Variants in GLRA2 observed in about 807,000 individuals in gnomAD.
The protein encoded by GLRA2 is glycine receptor alpha 2.
In GLRA2, 11 loss-of-function variants were observed where a neutral mutation model predicts 31.6. The ratio of observed to expected loss-of-function variants is 0.35; its 90% confidence interval spans 0.22 to 0.58. The LOEUF is 0.58. GLRA2 is among the 20% of genes least tolerant of loss of function. The pLI, the probability that GLRA2 is intolerant of heterozygous loss-of-function variation, is 0.84. For synonymous variants in GLRA2, 132 were observed against 134.0 expected (o/e 0.99, Z 0.10); for missense variants, 212 against 351.8 (o/e 0.60, Z 3.18).
At chrX:14,548,953 A>G (rs1004748445) in intron 2 of GLRA2, among the ~76,000 whole-genome samples, 4 of 111,821 alleles carry the variant, frequency 3.6e-5, no homozygotes, top group Admixed American at 1.9e-4. Flanking sequence ...TCTCAAGTAC[A>G]GGATTCTCCC....
the GLRA2 span, among the ~76,000 whole-genome samples, chrX:14,467,657 G>A: frequency 9.1e-3 from 1,008 of 111,342 alleles, 3 homozygotes; most frequent in Non-Finnish European, 0.014. Context: ...CTGCATGTCC[G>A]AACATTTAAA....
In GLRA2 at chrX:14,593,192, C is replaced by T. The variant is rs2090162817; in HGVS notation, c.495-11123C>T. ...AGCACATAATCCAAAGGAAAAGGTA[C>T]TTTATTTTAAAATGGAAAAAAAAAT... On this transcript the variant is annotated intron_variant, in intron 4 of 8. Coordinates refer to ENST00000218075, the MANE Select transcript of GLRA2 (RefSeq NM_002063.4). Among the ~76,000 whole-genome samples, 3 of 111,941 alleles carry T rather than the reference C, an allele frequency of 2.7e-5. No homozygotes were observed. The South Asian group carries it at 1.1e-3, about 42-fold the overall frequency.
At chrX:14,672,425 T>C (rs868755821) in intron 7 of GLRA2, among the ~76,000 whole-genome samples, 14 of 112,723 alleles carry the variant, frequency 1.2e-4, no homozygotes, top group Middle Eastern at 9.1e-3. Flanking sequence ...GGCATGGCCT[T>C]TTATTTCTTC....
the GLRA2 span, among the ~76,000 whole-genome samples, chrX:14,520,398 A>G: frequency 4.4e-5 from 5 of 112,512 alleles, no homozygotes; most frequent in South Asian, 1.8e-3. Flanking sequence ...CATTTTATTT[A>G]TTCTCCAAAT....
At chrX:14,553,216 G>A (rs960287779) in intron 2 of GLRA2, among the ~76,000 whole-genome samples, 2 of 111,811 alleles carry the variant, frequency 1.8e-5, no homozygotes, top group Admixed American at 9.5e-5. Context: ...AAAATGTGGT[G>A]GCCTTCAAAT....
At chrX:14,449,412 G>C in the GLRA2 span, among the ~76,000 whole-genome samples, 3 of 112,714 alleles carry the variant, frequency 2.7e-5, no homozygotes, top group Non-Finnish European at 5.6e-5. Flanking sequence ...GCTTAAACCT[G>C]TGTGGAGTCC....
At chrX:14,684,658 T>G (rs1285764864) in intron 7 of GLRA2, among the ~76,000 whole-genome samples, 1 of 112,088 alleles carries the variant, frequency 8.9e-6, no homozygotes, top group African/African-American at 3.2e-5. Context: ...TTTTTGCACA[T>G]TGATTTTGTA....
intron 6 of GLRA2, among the ~76,000 whole-genome samples, chrX:14,607,728 G>C (rs188175546): frequency 9.0e-6 from 1 of 111,366 alleles, no homozygotes; most frequent in Admixed American, 9.6e-5. Flanking sequence ...CCCAGAAATA[G>C]AGCTGTTGTG....
At chrX:14,638,489 TAATG>T (rs1178444071) in intron 7 of GLRA2, among the ~76,000 whole-genome samples, 1 of 111,529 alleles carries the variant, frequency 9.0e-6, no homozygotes, top group Non-Finnish European at 1.9e-5. Flanking sequence ...TTAATGGTAA[TAATG>T]AAATATTATT....
chrX:14,530,199 C>A, intron 1 of GLRA2, 74 bp downstream of exon 1: 1 of 629,916 alleles, frequency 1.6e-6, no homozygotes, highest in South Asian at 2.3e-5. Flanking sequence ...GTGTATTTAT[C>A]TGTGCTCTGG....
At chrX:14,677,674 T>C (rs188166851) in intron 7 of GLRA2, among the ~76,000 whole-genome samples, 1 of 112,072 alleles carries the variant, frequency 8.9e-6, no homozygotes, top group East Asian at 2.8e-4. Flanking sequence ...TGGGTAATTA[T>C]TTGTCATAAA....
intron 7 of GLRA2, among the ~76,000 whole-genome samples, chrX:14,636,882 T>C (rs2090715489): frequency 8.9e-6 from 1 of 111,950 alleles, no homozygotes; most frequent in Non-Finnish European, 1.9e-5. Context: ...AATCTAAGAA[T>C]GGATGTGTGC....
rs1452953286 is a variant in GLRA2, at chrX:14,730,937, CACACACACACACAA to C, written c.*455_*468del. ...ACACACACACACACACACACACACA[CACACACACACACAA>C]ACTTCAAAAATGCTTAACCATCTGA... On this transcript the variant is annotated 3_prime_UTR_variant, in exon 9 of 9. Coordinates refer to ENST00000218075, the MANE Select transcript of GLRA2 (RefSeq NM_002063.4). The C allele has an allele frequency of 3.3e-5, 3 of 90,614 alleles. No homozygotes were observed. The highest frequency in any genetic ancestry group is 2.8e-4 in the East Asian group (1 of 3,626). 7.5% of individuals were successfully genotyped at this position (90,614 alleles called of 1,213,427 possible). A position where few individuals can be genotyped will look rare whatever the true frequency, so the allele number is the denominator to read the frequency against.
At chrX:14,724,626 C>CAAAAAAAAAAAAA (rs758722703) in intron 8 of GLRA2, among the ~76,000 whole-genome samples, 80 of 49,573 alleles carry the variant, frequency 1.6e-3, no homozygotes, top group East Asian at 5.8e-3. Flanking sequence ...AACTCTGTCT[C>CAAAAAAAAAAAAA]AAAAAAAAAA....
the GLRA2 span, among the ~76,000 whole-genome samples, chrX:14,473,812 A>G: frequency 8.9e-6 from 1 of 112,294 alleles, no homozygotes; most frequent in African/African-American, 3.2e-5. Flanking sequence ...AAACTGTTTC[A>G]GATTTTAAAA....
chrX:14,544,574 A>G (rs745733029), intron 2 of GLRA2, among the ~76,000 whole-genome samples: 2 of 111,681 alleles, frequency 1.8e-5, no homozygotes, highest in East Asian at 5.6e-4. Flanking sequence ...ATTATGCAAT[A>G]TTTATCTTAA....
Position 14,690,813 on chromosome X carries a change from A to C in GLRA2, c.1034A>C (p.His345Pro), listed in dbSNP as rs1436574749. ...GCGGTGAACTTCGTCTCCAGGCAAC[A>C]CAAGGAGTTCCTGCGCCTCCGAAGA... Reference protein sequence around the residue: ...YAAVNFVSRQHKEFLRLRRRQ... With the variant: ...YAAVNFVSRQPKEFLRLRRRQ... The change falls in exon 8 of 9, where the codon CAC becomes CCC. Residue 345 changes from histidine to proline, a missense_variant. His to Pro is a moderately conservative substitution (Grantham distance 77, BLOSUM62 -2). This residue lies in a region of GLRA2 where 25 missense variants were observed against 20.8 expected (regional missense o/e 1.20). Coordinates refer to ENST00000218075, the MANE Select transcript of GLRA2 (RefSeq NM_002063.4). 8.3e-7 allele frequency: 1 copy of C among 1,207,083 alleles called. No homozygotes were observed. Among genetic ancestry groups the C allele is most frequent in the Non-Finnish European group, 1.1e-6 (1 of 891,198 alleles).
chrX:14,687,536 C>A (rs1016500484), intron 7 of GLRA2, among the ~76,000 whole-genome samples: 1 of 111,585 alleles, frequency 9.0e-6, no homozygotes, highest in Admixed American at 9.5e-5. Context: ...CTTCTCTTCT[C>A]GCTTCATTTC....
rs200139660 is a variant in GLRA2, at chrX:14,594,254, TC to T, written c.495-10056del. 8.7e-4 allele frequency among the ~76,000 whole-genome samples: 97 copies of T among 111,142 alleles called. No homozygotes were observed. The East Asian group carries it at 0.02, about 22-fold the overall frequency. ...ATAAGCATGCTTACACGTGTTCTCTTCCCCCTTTTTTTTAAAGTAAAATGAA... is the reference window on the plus strand; with the variant it reads ...ATAAGCATGCTTACACGTGTTCTCTTCCCCTTTTTTTTAAAGTAAAATGAA... On this transcript the variant is annotated intron_variant, in intron 4 of 8. Transcript: ENST00000218075.
Sources: gnomAD v4.1 joint callset for allele counts (sites outside exome capture counted in the v4.1 genomes callset) on GRCh38, gnomAD v4.1.1 for gene constraint, gnomAD v4.1.1 regional missense constraint, MANE v1.5 for transcripts, NCBI Gene and HGNC (gene_info 2026-07-23, HGNC 2026-07-21) for gene names.